MAGI2: variants seen among roughly 807,000 people sequenced by gnomAD.
MAGI2 encodes the protein membrane-associated guanylate kinase, WW and PDZ domain-containing protein 2.
A neutral mutation model predicts 133.3 loss-of-function variants in MAGI2; 35 were observed. The ratio of observed to expected loss-of-function variants is 0.26; its 90% CI spans 0.20 to 0.35. The LOEUF is 0.35. MAGI2 is among the 10% of genes least tolerant of loss of function. The probability of loss-of-function intolerance (pLI) is 1.00; values close to 1 mark genes in which losing one functional copy is unlikely to be tolerated. For synonymous variants in MAGI2, 729 were observed against 710.6 expected (o/e 1.03, Z -0.41); for missense variants, 1,636 against 1,863.4 (o/e 0.88, Z 2.25).
At chr7:79,235,312 T>G (rs1365006194) in intron 1 of MAGI2, among the ~76,000 whole-genome samples, 2 of 152,178 alleles carry the variant, frequency 1.3e-5, no homozygotes, top group Non-Finnish European at 2.9e-5. Flanking sequence ...TGAGCTGTGG[T>G]GGGCTCCACC....
intron 1 of MAGI2, among the ~76,000 whole-genome samples, chr7:79,182,365 G>A (rs1826698210): frequency 6.6e-6 from 1 of 151,946 alleles, no homozygotes; most frequent in Middle Eastern, 3.2e-3. Context: ...GGAAAAAAGA[G>A]AGCCTGTACA....
intron 3 of MAGI2, among the ~76,000 whole-genome samples, chr7:78,587,054 T>G (rs112514053): frequency 2.0e-5 from 3 of 152,330 alleles, no homozygotes; most frequent in African/African-American, 7.2e-5. Context: ...TTTACAAATG[T>G]CTCTTCAAAA....
Position 78,316,934 on chromosome 7 carries a change from C to T in MAGI2, c.1408+26844G>A, listed in dbSNP as rs992299275. Among the ~76,000 whole-genome samples the T allele has an allele frequency of 2.0e-5, 3 of 151,970 alleles. No homozygotes were observed. The East Asian group carries it at 5.8e-4, about 29-fold the overall frequency. The stretch of plus-strand genomic sequence containing the variant: ...TTAGGTAAATTAATATTTTCCCTAC[C>T]CTTGCTTCACCCGTGATTCTCTAAG... On this transcript the variant is annotated intron_variant, in intron 9 of 21. Transcript: ENST00000354212.
intron 21 of MAGI2, among the ~76,000 whole-genome samples, chr7:78,049,897 G>A (rs886393172): frequency 5.3e-5 from 8 of 152,174 alleles, no homozygotes; most frequent in African/African-American, 1.7e-4. Context: ...ACTGAACACC[G>A]ATGAACTTCA....
chr7:78,845,095 G>C (rs1792478132), intron 2 of MAGI2, among the ~76,000 whole-genome samples: 1 of 151,780 alleles, frequency 6.6e-6, no homozygotes. Flanking sequence ...TGTTCCCCCT[G>C]GAAACTTGAG....
intron 2 of MAGI2, among the ~76,000 whole-genome samples, chr7:78,662,340 C>A (rs1256993918): frequency 3.3e-5 from 5 of 152,164 alleles, no homozygotes; most frequent in African/African-American, 1.2e-4. Context: ...TAGTGGGTTC[C>A]AAAGAATCTT....
At chr7:78,853,940 CTGTTA>C (rs1793399200) in intron 2 of MAGI2, among the ~76,000 whole-genome samples, 1 of 139,150 alleles carries the variant, frequency 7.2e-6, no homozygotes, top group African/African-American at 2.7e-5. Flanking sequence ...AAATCTACTG[CTGTTA>C]TGTTGATATG....
intron 7 of MAGI2, among the ~76,000 whole-genome samples, chr7:78,354,134 T>C (rs1412349387): frequency 6.6e-6 from 1 of 152,126 alleles, no homozygotes; most frequent in Non-Finnish European, 1.5e-5. Context: ...TCACCTAGGG[T>C]ATGAGGTTGA....
chr7:78,608,486 TAC>T (rs1554496898), intron 3 of MAGI2, among the ~76,000 whole-genome samples: 11 of 151,230 alleles, frequency 7.3e-5, no homozygotes, highest in Admixed American at 1.3e-4. Context: ...TATATATATA[TAC>T]GTATATATAG....
At chr7:79,423,624 T>A (rs1847131363) in intron 1 of MAGI2, among the ~76,000 whole-genome samples, 1 of 152,078 alleles carries the variant, frequency 6.6e-6, no homozygotes, top group Non-Finnish European at 1.5e-5. Context: ...ATACGAAGTA[T>A]ATGTATTATG....
At chr7:78,735,268 G>A (rs1424387609) in intron 2 of MAGI2, among the ~76,000 whole-genome samples, 3 of 152,112 alleles carry the variant, frequency 2.0e-5, no homozygotes, top group Non-Finnish European at 2.9e-5. Context: ...AGAAAGACAA[G>A]TCACTGCATT....
At chr7:78,695,458 G>GA (rs1265352756) in intron 2 of MAGI2, among the ~76,000 whole-genome samples, 3 of 152,102 alleles carry the variant, frequency 2.0e-5, no homozygotes, top group African/African-American at 7.2e-5. Flanking sequence ...CTTTCACAGA[G>GA]AAGCATTTCA....
intron 2 of MAGI2, among the ~76,000 whole-genome samples, chr7:78,666,102 T>G (rs183299587): frequency 4.3e-4 from 66 of 152,198 alleles, no homozygotes; most frequent in African/African-American, 1.5e-3. Context: ...TTATGTAACT[T>G]TTGCTATCCA....
chr7:79,287,032 T>G (rs1266556616), intron 1 of MAGI2, among the ~76,000 whole-genome samples: 1 of 152,022 alleles, frequency 6.6e-6, no homozygotes, highest in South Asian at 2.1e-4. Context: ...AACTGCCAAT[T>G]CCTTAATCAT....
chr7:78,099,183 C>T (rs1563119413), intron 20 of MAGI2, among the ~76,000 whole-genome samples: 1 of 152,086 alleles, frequency 6.6e-6, no homozygotes, highest in Non-Finnish European at 1.5e-5. Context: ...AATTTGCAGA[C>T]AAAGGTTTTA....
chr7:78,998,902 G>A (rs1264042028), intron 2 of MAGI2, among the ~76,000 whole-genome samples: 1 of 152,074 alleles, frequency 6.6e-6, no homozygotes, highest in Non-Finnish European at 1.5e-5. Flanking sequence ...AAGATGTGTT[G>A]ACCTTCTTAC....
intron 10 of MAGI2, among the ~76,000 whole-genome samples, chr7:78,212,567 T>C (rs1434546066): frequency 6.6e-6 from 1 of 152,232 alleles, no homozygotes; most frequent in Non-Finnish European, 1.5e-5. Flanking sequence ...ATTTTGATTT[T>C]AGCCCAGTGA....
chr7:78,667,547 C>G (rs1488201455), intron 2 of MAGI2, among the ~76,000 whole-genome samples: 3 of 148,146 alleles, frequency 2.0e-5, no homozygotes, highest in South Asian at 4.4e-4. Flanking sequence ...CGCCTCCCCC[C>G]ACCCCACAAC....
intron 1 of MAGI2, among the ~76,000 whole-genome samples, chr7:79,073,031 A>G (rs1157767153): frequency 6.6e-6 from 1 of 152,152 alleles, no homozygotes; most frequent in African/African-American, 2.4e-5. Flanking sequence ...AGACAAAAAC[A>G]AAAACAAACA....
Sources: allele counts gnomAD v4.1 joint callset (sites outside exome capture counted in the v4.1 genomes callset), GRCh38; gene constraint gnomAD v4.1.1; transcripts MANE v1.5; gene names NCBI Gene and HGNC (gene_info 2026-07-23, HGNC 2026-07-21).